CEP57: variants seen among roughly 807,000 people sequenced by gnomAD.
CEP57 encodes the protein centrosomal protein 57, also known as centrosomal protein of 57 kDa.
CEP57 carries 40 observed loss-of-function variants against 68.0 expected under a neutral mutation model. The observed-to-expected ratio is 0.59, with a 90% CI of 0.46 to 0.77. The LOEUF is 0.77. Ranked by LOEUF, CEP57 falls within the 30% of genes least tolerant of loss-of-function variation. CEP57 has a pLI of 0.00. For missense variants in CEP57, 606 were observed against 580.7 expected, an observed-to-expected ratio of 1.04 and a Z score of -0.45; for synonymous variants, 219 against 198.7, an observed-to-expected ratio of 1.10 and a Z score of -0.86.
At position 95,827,978 on chromosome 11, in the gene CEP57, T is replaced by C. The variant is rs769977771; in HGVS notation, c.1078T>C (p.Leu360=). 20 of 1,613,876 alleles carry C rather than the reference T, an allele frequency of 1.2e-5. No homozygotes were observed. The highest frequency in any genetic ancestry group is 1.7e-5 in the Non-Finnish European group (20 of 1,179,976). ...CTCCTCCAACGGTATTAATGAGGAGTTGTCAGAAGTCTTACAGACTTTACA... is the reference window on the plus strand; with the variant it reads ...CTCCTCCAACGGTATTAATGAGGAGCTGTCAGAAGTCTTACAGACTTTACA... The part of the protein sequence containing the change: ...PPSSNGINEE[L]SEVLQTLQDE... The change falls in exon 9 of 11, where the codon TTG becomes CTG. Residue 360 remains leucine, a synonymous_variant. Coordinates refer to ENST00000325542, the MANE Select transcript of CEP57 (RefSeq NM_014679.5).
At chr11:95,808,241 C>T (rs183280855) in intron 2 of CEP57, among the ~76,000 whole-genome samples, 53 of 152,096 alleles carry the variant, frequency 3.5e-4, no homozygotes, top group East Asian at 7.7e-4. Context: ...AAGGAACAAC[C>T]GGTACCAGCC....
At chr11:95,797,986 A>C (rs1861420785) in intron 1 of CEP57, among the ~76,000 whole-genome samples, 1 of 152,230 alleles carries the variant, frequency 6.6e-6, no homozygotes, top group Non-Finnish European at 1.5e-5. Context: ...GACCTTTGAC[A>C]ATATTATAAA....
intron 8 of CEP57, among the ~76,000 whole-genome samples, chr11:95,823,406 G>A (rs766975796): frequency 1.3e-5 from 2 of 151,666 alleles, no homozygotes; most frequent in African/African-American, 4.8e-5. Flanking sequence ...AAAATTTTTT[G>A]GAGATTTTTG....
intron 1 of CEP57, among the ~76,000 whole-genome samples, chr11:95,791,609 A>G (rs765817334): frequency 2.6e-5 from 4 of 152,262 alleles, no homozygotes; most frequent in Non-Finnish European, 5.9e-5. Flanking sequence ...ACTACACGTA[A>G]TTAGTGATTA....
Position 95,832,374 on chromosome 11 carries a change from G to C in CEP57, c.*1118G>C, listed in dbSNP as rs939004785. On this transcript the variant is annotated 3_prime_UTR_variant, in exon 11 of 11. Transcript: ENST00000325542. ...TGCCACACTCATGCTTACATAGAAA[G>C]AGAGCCCAAGAATATTAGATTTCCT... 6.6e-6 allele frequency: 1 copy of C among 152,122 alleles called. No homozygotes were observed. Among genetic ancestry groups the C allele is most frequent in the Non-Finnish European group, 1.5e-5 (1 of 68,002 alleles). The allele number at this position is 152,122 out of a possible 1,614,324, so 9.4% of individuals were successfully genotyped here.
At chr11:95,814,954 A>AT (rs2135327413) in intron 4 of CEP57, among the ~76,000 whole-genome samples, 1 of 152,346 alleles carries the variant, frequency 6.6e-6, no homozygotes, top group South Asian at 2.1e-4. Context: ...TATACTATAA[A>AT]TTATCTCTAG....
chr11:95,823,273 GA>G (rs1565330386), intron 8 of CEP57: 2 of 152,290 alleles, frequency 1.3e-5, no homozygotes, highest in African/African-American at 4.8e-5. Context: ...AAATCATGGG[GA>G]ATATAATAAA....
intron 2 of CEP57, among the ~76,000 whole-genome samples, chr11:95,811,406 A>G (rs982854011): frequency 5.8e-5 from 8 of 137,870 alleles, no homozygotes; most frequent in African/African-American, 2.1e-4. Context: ...CAGGGTGGGG[A>G]ACATCACACA....
chr11:95,799,844 TC>T (rs1402849715), intron 2 of CEP57, among the ~76,000 whole-genome samples: 1 of 152,140 alleles, frequency 6.6e-6, no homozygotes, highest in African/African-American at 2.4e-5. Flanking sequence ...CCATCATCTC[TC>T]CCACAAAATT....
intron 10 of CEP57, among the ~76,000 whole-genome samples, chr11:95,830,680 C>G (rs1447185925): frequency 6.6e-6 from 1 of 151,742 alleles, no homozygotes; most frequent in Non-Finnish European, 1.5e-5. Flanking sequence ...GATTTTTTGC[C>G]TCCTTCATGA....
chr11:95,806,102 A>G (rs1386464675), intron 2 of CEP57, among the ~76,000 whole-genome samples: 1 of 152,240 alleles, frequency 6.6e-6, no homozygotes, highest in Non-Finnish European at 1.5e-5. Context: ...AAAAGTGACC[A>G]CAAAGCCAGC....
intron 3 of CEP57, 106 bp downstream of exon 3, chr11:95,813,217 A>G: frequency 3.4e-6 from 4 of 1,170,180 alleles, no homozygotes; most frequent in East Asian, 2.5e-5. Context: ...ATCTTCAAGT[A>G]CTACAAAACT....
chr11:95,794,497 G>A, intron 1 of CEP57: 1 of 364,900 alleles, frequency 2.7e-6, no homozygotes, highest in Non-Finnish European at 5.4e-6. Flanking sequence ...GTGTGAAATG[G>A]TATCCTATTT....
At chr11:95,804,729 G>A (rs867543219) in intron 2 of CEP57, among the ~76,000 whole-genome samples, 4 of 152,222 alleles carry the variant, frequency 2.6e-5, no homozygotes, top group African/African-American at 7.2e-5. Flanking sequence ...ATTATAAATT[G>A]CATTTAAAGT....
intron 8 of CEP57, among the ~76,000 whole-genome samples, chr11:95,823,900 C>T (rs1400223530): frequency 1.3e-5 from 2 of 151,984 alleles, no homozygotes. Context: ...TGAATAATAT[C>T]ATGGGACCCA....
chr11:95,818,769 A>C, intron 5 of CEP57, 58 bp from the exon 6 acceptor site: 1 of 1,369,310 alleles, frequency 7.3e-7, no homozygotes, highest in Admixed American at 1.7e-5. Flanking sequence ...GCTATATTAA[A>C]ATTTTACAGA....
intron 9 of CEP57, 128 bp from the exon 10 acceptor site, chr11:95,829,059 T>G (rs1286814448): frequency 1.0e-5 from 10 of 1,002,584 alleles, no homozygotes; most frequent in East Asian, 7.3e-5. Flanking sequence ...AAAAAAAAAT[T>G]TATTGCTCTG....
chr11:95,816,823 C>T (rs474896), intron 4 of CEP57, among the ~76,000 whole-genome samples: 42,187 of 151,710 alleles, frequency 0.28, 7,042 homozygotes, highest in Non-Finnish European at 0.38. Flanking sequence ...GCAGCCTGGC[C>T]AACATGGTGA....
chr11:95,819,145 C>A lies in CEP57; in HGVS notation c.699+241C>A, dbSNP rs186589069. On this transcript the variant is annotated intron_variant, in intron 6 of 10. Transcript: ENST00000325542. ...TTTCAATCAGCATTTTAAAAAATAA[C>A]AGACTAAAAAACATCAGAGACTACA... 3.0e-4 allele frequency among the ~76,000 whole-genome samples: 46 copies of A among 152,064 alleles called. 2 individuals carry two copies. In the East Asian group the frequency reaches 5.8e-3, roughly 19 times the overall value.
Sources: allele counts gnomAD v4.1 joint callset (sites outside exome capture counted in the v4.1 genomes callset), GRCh38; gene constraint gnomAD v4.1.1; transcripts MANE v1.5; gene names NCBI Gene and HGNC (gene_info 2026-07-23, HGNC 2026-07-21).